Variants in FARS2 observed in about 807,000 individuals in gnomAD.
FARS2 encodes phenylalanine--tRNA ligase, mitochondrial.
FARS2 carries 40 observed loss-of-function variants against 46.4 expected under a neutral mutation model. The ratio of observed to expected loss-of-function variants is 0.86; its 90% CI spans 0.67 to 1.12. The LOEUF is 1.12. Ranked by LOEUF, FARS2 falls within the 50% of genes most tolerant of loss-of-function variation. FARS2 has a pLI of 0.00. For missense variants in FARS2, 513 were observed against 567.9 expected (o/e 0.90, Z 0.98); for synonymous variants, 234 against 214.9 (o/e 1.09, Z -0.78).
the FARS2 span, among the ~76,000 whole-genome samples, chr6:5,251,197 G>A: frequency 6.6e-6 from 1 of 152,188 alleles, no homozygotes; most frequent in East Asian, 1.9e-4. Context: ...CACACTGTGA[G>A]TTTTCAAGAA....
intron 4 of FARS2, among the ~76,000 whole-genome samples, chr6:5,454,588 C>T (rs1479915614): frequency 1.3e-5 from 2 of 152,154 alleles, no homozygotes; most frequent in South Asian, 4.1e-4. Context: ...TTGTGACCCA[C>T]CCACCTCAGC....
upstream of FARS2, chr6:5,261,231 A>G (rs553422373): frequency 9.2e-5 from 14 of 152,310 alleles, no homozygotes; most frequent in African/African-American, 3.1e-4. Flanking sequence ...TCCTACATCC[A>G]GGAGGCCGCG....
chr6:5,461,687 C>T (rs1765252270), intron 4 of FARS2, among the ~76,000 whole-genome samples: 1 of 152,158 alleles, frequency 6.6e-6, no homozygotes, highest in South Asian at 2.1e-4. Flanking sequence ...TGGAATCATA[C>T]AATATGTAGT....
intron 6 of FARS2, among the ~76,000 whole-genome samples, chr6:5,705,977 T>G (rs991629533): frequency 8.5e-5 from 13 of 152,174 alleles, no homozygotes; most frequent in African/African-American, 2.7e-4. Context: ...CGTATTTGTT[T>G]TACTCCATCT....
intron 5 of FARS2, among the ~76,000 whole-genome samples, chr6:5,604,762 A>G (rs1211720935): frequency 7.1e-6 from 1 of 141,214 alleles, no homozygotes; most frequent in Non-Finnish European, 1.5e-5. Context: ...TCATGTTAGT[A>G]AAGTATGATT....
intron 1 of FARS2, among the ~76,000 whole-genome samples, chr6:5,361,133 A>C (rs1215227121): frequency 6.6e-6 from 1 of 152,210 alleles, no homozygotes; most frequent in African/African-American, 2.4e-5. Context: ...TATGATATGC[A>C]TGTGTTTATA....
chr6:5,339,676 C>T (rs1015487002), intron 1 of FARS2, among the ~76,000 whole-genome samples: 6 of 152,148 alleles, frequency 3.9e-5, no homozygotes, highest in Non-Finnish European at 7.3e-5. Flanking sequence ...CTCAAGCAAT[C>T]CACCCACCTT....
chr6:5,327,187 C>T (rs955947528), intron 1 of FARS2, among the ~76,000 whole-genome samples: 2 of 152,248 alleles, frequency 1.3e-5, no homozygotes, highest in East Asian at 3.9e-4. Context: ...AAGAAATTAA[C>T]ATTTATTATC....
intron 5 of FARS2, among the ~76,000 whole-genome samples, chr6:5,602,909 A>C (rs1434273972): frequency 6.6e-6 from 1 of 152,116 alleles, no homozygotes; most frequent in East Asian, 1.9e-4. Context: ...TTTGTCTAGA[A>C]CACTATGACG....
At chr6:5,756,623 TC>T (rs1307720324) in intron 6 of FARS2, among the ~76,000 whole-genome samples, 5 of 152,050 alleles carry the variant, frequency 3.3e-5, no homozygotes, top group Admixed American at 3.3e-4. Context: ...TCCCACCAGA[TC>T]CCTCCCCCAA....
chr6:5,641,729 T>C (rs1776830321), intron 6 of FARS2, among the ~76,000 whole-genome samples: 1 of 152,248 alleles, frequency 6.6e-6, no homozygotes, highest in Non-Finnish European at 1.5e-5. Context: ...AAATTGTTAT[T>C]GATAAGTTAC....
At chr6:5,643,014 T>A (rs552517665) in intron 6 of FARS2, among the ~76,000 whole-genome samples, 1 of 152,332 alleles carries the variant, frequency 6.6e-6, no homozygotes, top group South Asian at 2.1e-4. Context: ...CCCAGAGAGA[T>A]GAGCTTAAAG....
intron 5 of FARS2, among the ~76,000 whole-genome samples, chr6:5,583,826 A>T (rs1447380185): frequency 6.6e-6 from 1 of 152,116 alleles, no homozygotes; most frequent in Non-Finnish European, 1.5e-5. Context: ...AGTCTGTTCC[A>T]TCCCGGGCAC....
chr6:5,485,244 A>G (rs1363863521), intron 4 of FARS2, among the ~76,000 whole-genome samples: 3 of 152,140 alleles, frequency 2.0e-5, no homozygotes, highest in Non-Finnish European at 1.5e-5. Flanking sequence ...CCTTTGTAAA[A>G]TGGGCATACT....
chr6:5,755,842 AT>A (rs1398372628), intron 6 of FARS2, among the ~76,000 whole-genome samples: 1 of 152,100 alleles, frequency 6.6e-6, no homozygotes, highest in African/African-American at 2.4e-5. Flanking sequence ...TTTTATGGTA[AT>A]TTCTCAGCTT....
chr6:5,689,193 C>G (rs140463636), intron 6 of FARS2, among the ~76,000 whole-genome samples: 292 of 152,322 alleles, frequency 1.9e-3, no homozygotes, highest in African/African-American at 6.6e-3. Context: ...TTTTGTGTCT[C>G]TATTTCCTTG....
At chr6:5,283,408 G>A (rs926760725) in intron 1 of FARS2, among the ~76,000 whole-genome samples, 8 of 150,398 alleles carry the variant, frequency 5.3e-5, no homozygotes, top group Non-Finnish European at 7.4e-5. Context: ...AATTAGCCAG[G>A]CGTCTTGGTG....
chr6:5,571,787 C>G (rs1772666826), intron 5 of FARS2, among the ~76,000 whole-genome samples: 1 of 152,184 alleles, frequency 6.6e-6, no homozygotes, highest in Admixed American at 6.5e-5. Flanking sequence ...ATCCCACGAT[C>G]TTCTACTCTT....
At chr6:5,269,391 A>G (rs1765786563) in intron 1 of FARS2, among the ~76,000 whole-genome samples, 1 of 151,548 alleles carries the variant, frequency 6.6e-6, no homozygotes, top group Admixed American at 6.6e-5. Flanking sequence ...TAATGCCAGC[A>G]TGGCACATGT....
Sources: gnomAD v4.1 joint callset for allele counts (sites outside exome capture counted in the v4.1 genomes callset) on GRCh38, gnomAD v4.1.1 for gene constraint, MANE v1.5 for transcripts, NCBI Gene and HGNC (gene_info 2026-07-23, HGNC 2026-07-21) for gene names.